SLC44A1: variants seen among roughly 807,000 people sequenced by gnomAD.
SLC44A1 encodes solute carrier family 44 member 1, also known as choline transporter-like protein 1.
In SLC44A1, 26 loss-of-function variants were observed where a neutral mutation model predicts 79.3. The observed-to-expected ratio is 0.33, with a 90% CI of 0.24 to 0.46. The LOEUF is 0.46. Among genes scored for constraint, SLC44A1 ranks in the 20% least tolerant of loss-of-function variants. SLC44A1 has a pLI of 1.00. For missense variants in SLC44A1, 688 were observed against 798.1 expected (o/e 0.86, Z 1.66); for synonymous variants, 263 against 286.2 (o/e 0.92, Z 0.82).
chr9:105,324,282 A>C (rs1471953728), intron 3 of SLC44A1, among the ~76,000 whole-genome samples: 4 of 109,424 alleles, frequency 3.7e-5, no homozygotes, highest in Non-Finnish European at 3.9e-5. Flanking sequence ...ACAGAGTTTC[A>C]CTCTGTGGTC....
intron 3 of SLC44A1, among the ~76,000 whole-genome samples, chr9:105,332,761 GT>G (rs1826792351): frequency 6.6e-6 from 1 of 152,104 alleles, no homozygotes; most frequent in Admixed American, 6.5e-5. Flanking sequence ...TTGTATCCCT[GT>G]TTTATGCCCA....
In SLC44A1 at chr9:105,389,639, T is replaced by A; in HGVS notation, c.*583T>A. On this transcript the variant is annotated 3_prime_UTR_variant, in exon 16 of 16. Transcript: ENST00000374720. ...ATTGGGCCCAATATGGGAATTTTCA[T>A]AATAGTTCATACATTTGTCAGCCAA... 8.2e-7 allele frequency: 1 copy of A among 1,215,860 alleles called. No individual in the cohort carries two copies. The highest frequency in any genetic ancestry group is 3.4e-5 in the East Asian group (1 of 29,046). 75.3% of individuals were successfully genotyped at this position (1,215,860 alleles called of 1,614,324 possible). A position where few individuals can be genotyped will look rare whatever the true frequency, so the allele number is the denominator to read the frequency against.
At chr9:105,348,490 T>C in intron 5 of SLC44A1, 39 bp downstream of exon 5, 2 of 1,207,524 alleles carry the variant, frequency 1.7e-6, no homozygotes, top group Non-Finnish European at 2.5e-6. Flanking sequence ...GTGACTGTTG[T>C]TTTTGTAGGT....
chr9:105,346,773 AAAG>A (rs1303632154), intron 4 of SLC44A1, among the ~76,000 whole-genome samples: 5 of 152,142 alleles, frequency 3.3e-5, no homozygotes, highest in Non-Finnish European at 1.5e-5. Flanking sequence ...TTAAAATGGA[AAAG>A]AATAGTCAAG....
intron 2 of SLC44A1, among the ~76,000 whole-genome samples, chr9:105,307,112 C>A (rs577495050): frequency 1.3e-5 from 2 of 152,272 alleles, no homozygotes; most frequent in African/African-American, 4.8e-5. Flanking sequence ...TATTGATCAC[C>A]TGCCATGTAC....
chr9:105,354,875 A>G (rs1161146326), intron 5 of SLC44A1, among the ~76,000 whole-genome samples: 2 of 152,226 alleles, frequency 1.3e-5, no homozygotes, highest in Non-Finnish European at 2.9e-5. Context: ...GTTTTGCTTC[A>G]GGTCATACAA....
At position 105,364,542 on chromosome 9, in the gene SLC44A1, G is replaced by C; in HGVS notation, c.1088-13G>C. 6.3e-7 allele frequency: 1 copy of C among 1,590,414 alleles called. No homozygotes were observed. The highest frequency in any genetic ancestry group is 8.5e-7 in the Non-Finnish European group (1 of 1,171,336). On this transcript the variant is annotated splice_polypyrimidine_tract_variant and intron_variant, in intron 9 of 15. Transcript: ENST00000374720. ...TTATGTGCTTCTTCTTTCCTTCCTTGATATTTTCCTAGGCAGTCCTGTTCA... is the reference window on the plus strand; with the variant it reads ...TTATGTGCTTCTTCTTTCCTTCCTTCATATTTTCCTAGGCAGTCCTGTTCA...
intron 5 of SLC44A1, among the ~76,000 whole-genome samples, chr9:105,349,202 A>G (rs910111471): frequency 2.0e-5 from 3 of 152,210 alleles, no homozygotes; most frequent in African/African-American, 4.8e-5. Context: ...ACACCCCCAC[A>G]TACTTTGGAG....
At chr9:105,325,534 G>T (rs1227290966) in intron 3 of SLC44A1, among the ~76,000 whole-genome samples, 1 of 152,180 alleles carries the variant, frequency 6.6e-6, no homozygotes, top group African/African-American at 2.4e-5. Flanking sequence ...TCCTGAGATA[G>T]CTCAGGGTAT....
intron 15 of SLC44A1, among the ~76,000 whole-genome samples, chr9:105,410,773 G>C (rs985764275): frequency 1.3e-5 from 2 of 152,012 alleles, no homozygotes; most frequent in Non-Finnish European, 2.9e-5. Context: ...TAACCAAAAA[G>C]TAGAAATAAC....
chr9:105,267,013 G>A (rs1829978072), intron 1 of SLC44A1, among the ~76,000 whole-genome samples: 1 of 152,012 alleles, frequency 6.6e-6, no homozygotes, highest in African/African-American at 2.4e-5. Flanking sequence ...CTGTACTGGT[G>A]TTATTTTTCT....
At chr9:105,267,286 A>C (rs531753181) in intron 1 of SLC44A1, among the ~76,000 whole-genome samples, 14 of 152,112 alleles carry the variant, frequency 9.2e-5, no homozygotes, top group Non-Finnish European at 1.9e-4. Context: ...TTCTCTCTCA[A>C]ACCTTTTAGG....
chr9:105,263,829 G>A (rs532884717), intron 1 of SLC44A1, among the ~76,000 whole-genome samples: 4 of 152,132 alleles, frequency 2.6e-5, no homozygotes, highest in South Asian at 2.1e-4. Context: ...GAGCCACTGC[G>A]CCCAGCTCAT....
rs1588748565 is a variant in SLC44A1, at chr9:105,297,274, A to G, written c.37-1946A>G. ...TTAGGAAGAAATTGTTTTAACTCCA[A>G]TTCTCCGCCCTCATTGTTGATAGGC... On this transcript the variant is annotated intron_variant, in intron 1 of 15. Transcript: ENST00000374720. Among the ~76,000 whole-genome samples, 4 of 152,110 alleles carry G rather than the reference A, an allele frequency of 2.6e-5. No homozygotes were observed. In the East Asian group the frequency reaches 7.7e-4, roughly 29 times the overall value.
intron 3 of SLC44A1, among the ~76,000 whole-genome samples, chr9:105,329,278 T>C (rs1330589099): frequency 3.3e-5 from 5 of 152,122 alleles, no homozygotes; most frequent in Non-Finnish European, 7.4e-5. Context: ...AAGACACATA[T>C]CAGGAATCAC....
At position 105,394,239 on chromosome 9, in the gene SLC44A1, C is replaced by T; in HGVS notation, c.*5183C>T. On this transcript the variant is annotated 3_prime_UTR_variant, in exon 16 of 16. Transcript: ENST00000374720. ...AGTGATTAGGCCTCCACTAGAGATA[C>T]TTTTGAGATGATGCTTACCACCTTC... The T allele has an allele frequency of 1.0e-6, 1 of 985,348 alleles. No homozygotes were observed. Among genetic ancestry groups the T allele is most frequent in the Non-Finnish European group, 1.2e-6 (1 of 829,896 alleles). 61.0% of individuals were successfully genotyped at this position (985,348 alleles called of 1,614,324 possible). A position where few individuals can be genotyped will look rare whatever the true frequency, so the allele number is the denominator to read the frequency against.
At position 105,395,763 on chromosome 9, in the gene SLC44A1, G is replaced by GT. The variant is rs1828863334; in HGVS notation, c.*6708dup. ...CAGGAGCATGTGTTAAATCATATGA[G>GT]TAAAAAAAAAGTAGACATTGAAAAG... On this transcript the variant is annotated 3_prime_UTR_variant, in exon 16 of 16. Transcript: ENST00000374720. 1 of 984,096 alleles carries GT rather than the reference G, an allele frequency of 1.0e-6. No homozygotes were observed. The highest frequency in any genetic ancestry group is 1.2e-6 in the Non-Finnish European group (1 of 828,926). 61.0% of individuals were successfully genotyped at this position (984,096 alleles called of 1,614,324 possible).
chr9:105,307,148 T>G (rs1040432040), intron 2 of SLC44A1, among the ~76,000 whole-genome samples: 1 of 152,202 alleles, frequency 6.6e-6, no homozygotes, highest in Admixed American at 6.5e-5. Context: ...GGATCGGATA[T>G]GCATTATTTC....
intron 1 of SLC44A1, among the ~76,000 whole-genome samples, chr9:105,271,785 T>C (rs571397943): frequency 1.3e-5 from 2 of 152,094 alleles, no homozygotes; most frequent in African/African-American, 4.8e-5. Flanking sequence ...GGCTAATTTT[T>C]GTAGTTTTAG....
Sources: allele counts gnomAD v4.1 joint callset (sites outside exome capture counted in the v4.1 genomes callset), GRCh38; gene constraint gnomAD v4.1.1; transcripts MANE v1.5; gene names NCBI Gene and HGNC (gene_info 2026-07-23, HGNC 2026-07-21).